The following FRMPD4 variants were observed in gnomAD, a reference collection of about 807,000 sequenced individuals.
FRMPD4 encodes the protein FERM and PDZ domain-containing protein 4.
A neutral mutation model predicts 94.1 loss-of-function variants in FRMPD4; 22 were observed. The ratio of observed to expected loss-of-function variants is 0.23; its 90% CI spans 0.17 to 0.33. The LOEUF (loss-of-function observed/expected upper bound fraction) is 0.33, where lower values mean the gene tolerates loss of function less well. Among genes scored for constraint, FRMPD4 ranks in the 10% least tolerant of loss-of-function variants. The pLI, the probability that FRMPD4 is intolerant of heterozygous loss-of-function variation, is 1.00. For missense variants in FRMPD4, 1,111 were observed against 1,339.9 expected (o/e 0.83, Z 2.67); for synonymous variants, 631 against 548.6 (o/e 1.15, Z -2.10).
intron 3 of FRMPD4, among the ~76,000 whole-genome samples, chrX:12,050,380 A>G (rs1364581725): frequency 8.9e-6 from 1 of 112,109 alleles, no homozygotes; most frequent in Non-Finnish European, 1.9e-5. Context: ...GTATAGTAGC[A>G]TGCTGTACAG....
intron 1 of FRMPD4, among the ~76,000 whole-genome samples, chrX:12,198,930 A>G (rs1007911312): frequency 7.1e-5 from 8 of 112,502 alleles, no homozygotes; most frequent in African/African-American, 2.6e-4. Flanking sequence ...GTAAGATACA[A>G]CATTTTAAAA....
chrX:12,174,348 T>A (rs755002801), intron 1 of FRMPD4, among the ~76,000 whole-genome samples: 1 of 111,982 alleles, frequency 8.9e-6, no homozygotes, highest in African/African-American at 3.2e-5. Flanking sequence ...TCAAAACAGG[T>A]GATAGGCCAG....
chrX:12,514,683 T>C (rs1321555727), intron 2 of FRMPD4, among the ~76,000 whole-genome samples: 1 of 111,822 alleles, frequency 8.9e-6, no homozygotes, highest in East Asian at 2.8e-4. Flanking sequence ...TCTTTTTTGT[T>C]GTATCTCTGC....
chrX:12,721,179 C>G lies in FRMPD4; in HGVS notation c.4610C>G (p.Thr1537Ser). 5.3e-6 allele frequency: 4 copies of G among 755,404 alleles called. No homozygotes were observed. Among genetic ancestry groups the G allele is most frequent in the Non-Finnish European group, 6.3e-6 (4 of 638,991 alleles). 62.3% of individuals were successfully genotyped at this position (755,404 alleles called of 1,213,427 possible). A position where few individuals can be genotyped will look rare whatever the true frequency, so the allele number is the denominator to read the frequency against. The change falls in exon 17 of 17, where the codon ACT (threonine) becomes AGT (serine). Residue 1537 changes from threonine to serine, a missense_variant. By Grantham distance (58) the Thr-to-Ser change is moderately conservative. Around this residue, in one of 8 missense-constraint regions of FRMPD4, gnomAD observed 551 missense variants for 591.6 expected, o/e 0.93. Coordinates refer to ENST00000675598, the MANE Select transcript of FRMPD4 (RefSeq NM_001368397.1). ...TCTTGCCTCTATAGACCACAGATGA[C>G]TCAAGCCATGCCAGAACCAAGCAGC... is the stretch of plus-strand genomic sequence containing the variant. ...QVSCLYRPQM[T>S]QAMPEPSSPC...
intron 2 of FRMPD4, among the ~76,000 whole-genome samples, chrX:12,540,076 G>C (rs1329255707): frequency 2.7e-5 from 3 of 112,011 alleles, no homozygotes; most frequent in Non-Finnish European, 5.6e-5. Flanking sequence ...CCCTACAAGA[G>C]CTCCTAAAGG....
At chrX:11,916,769 G>C (rs1325869015) in intron 3 of FRMPD4, among the ~76,000 whole-genome samples, 1 of 111,701 alleles carries the variant, frequency 9.0e-6, no homozygotes, top group Non-Finnish European at 1.9e-5. Context: ...ACTGGGCAGT[G>C]TCTATACCAT....
chrX:12,199,495 A>G, intron 1 of FRMPD4, among the ~76,000 whole-genome samples: 1 of 111,596 alleles, frequency 9.0e-6, no homozygotes, highest in East Asian at 2.8e-4. Context: ...GTTCATAGGA[A>G]TGTACCTGTG....
chrX:12,708,458 G>A (rs1472595190), intron 13 of FRMPD4, among the ~76,000 whole-genome samples: 2 of 87,769 alleles, frequency 2.3e-5, no homozygotes, highest in Admixed American at 1.3e-4. Flanking sequence ...AACAGAGCGA[G>A]ACTCCATCTC....
At chrX:12,209,521 TTATC>T (rs2056732121) in intron 1 of FRMPD4, among the ~76,000 whole-genome samples, 1 of 112,166 alleles carries the variant, frequency 8.9e-6, no homozygotes, top group Non-Finnish European at 1.9e-5. Context: ...TTACATAGAC[TTATC>T]TTTTTTCACT....
At chrX:11,995,948 A>G (rs2054493859) in intron 3 of FRMPD4, among the ~76,000 whole-genome samples, 1 of 111,939 alleles carries the variant, frequency 8.9e-6, no homozygotes, top group African/African-American at 3.2e-5. Flanking sequence ...CTTCAAGCAA[A>G]TTTCACATTT....
At chrX:12,539,916 G>A (rs2058387058) in intron 2 of FRMPD4, among the ~76,000 whole-genome samples, 1 of 112,259 alleles carries the variant, frequency 8.9e-6, no homozygotes, top group African/African-American at 3.2e-5. Flanking sequence ...TTACAGGCAT[G>A]AGCCACCGCG....
intron 1 of FRMPD4, among the ~76,000 whole-genome samples, chrX:12,309,175 A>G (rs1434165739): frequency 3.6e-5 from 4 of 111,904 alleles, no homozygotes; most frequent in African/African-American, 9.8e-5. Flanking sequence ...ATTTACCAAA[A>G]CAGGTGGCTG....
At chrX:12,255,603 TACA>T (rs779172200) in intron 1 of FRMPD4, among the ~76,000 whole-genome samples, 36 of 112,350 alleles carry the variant, frequency 3.2e-4, no homozygotes, top group Non-Finnish European at 6.4e-4. Context: ...ATTCAACAAA[TACA>T]ACATTATTCT....
At chrX:12,103,244 G>A (rs1455846845) in intron 3 of FRMPD4, among the ~76,000 whole-genome samples, 1 of 111,862 alleles carries the variant, frequency 8.9e-6, no homozygotes, top group Non-Finnish European at 1.9e-5. Context: ...AAAGCACATA[G>A]AAAAGTGCCT....
intron 1 of FRMPD4, among the ~76,000 whole-genome samples, chrX:12,317,585 C>CAAAAAAAAAA (rs376884335): frequency 4.7e-4 from 20 of 42,354 alleles, no homozygotes; most frequent in East Asian, 9.9e-4. Context: ...AACTAAATAG[C>CAAAAAAAAAA]AAAAAAAAAA....
At chrX:12,443,638 A>T (rs1432188331) in intron 1 of FRMPD4, among the ~76,000 whole-genome samples, 1 of 111,870 alleles carries the variant, frequency 8.9e-6, no homozygotes, top group Non-Finnish European at 1.9e-5. Flanking sequence ...GAAGACTAAA[A>T]TAGCCTAAGC....
At chrX:12,227,733 C>T (rs2056937411) in intron 1 of FRMPD4, among the ~76,000 whole-genome samples, 1 of 109,569 alleles carries the variant, frequency 9.1e-6, no homozygotes, top group East Asian at 2.9e-4. Flanking sequence ...CCCAGAGGGT[C>T]GAGGCTGCAG....
chrX:12,227,203 T>C (rs1349230634), intron 1 of FRMPD4, among the ~76,000 whole-genome samples: 1 of 111,078 alleles, frequency 9.0e-6, no homozygotes, highest in East Asian at 2.9e-4. Flanking sequence ...CTGGGTCTGG[T>C]GGTGATTCTG....
rs981433675 is a variant in FRMPD4, at chrX:12,327,711, C to A, written c.42-170969C>A. ...GTCTGGGTCAGCCAGGGAACTGGCT[C>A]TGTAATCTACCTCCTGAGATGAAAG... is the stretch of plus-strand genomic sequence containing the variant. On this transcript the variant is annotated intron_variant, in intron 1 of 16. Coordinates refer to ENST00000675598, the MANE Select transcript of FRMPD4 (RefSeq NM_001368397.1). Among the ~76,000 whole-genome samples the A allele has an allele frequency of 3.6e-5, 4 of 110,468 alleles. No homozygotes were observed. In the East Asian group the frequency reaches 1.1e-3, roughly 31 times the overall value.
Sources: allele counts gnomAD v4.1 joint callset (sites outside exome capture counted in the v4.1 genomes callset), GRCh38; gene constraint gnomAD v4.1.1; regional missense constraint gnomAD v4.1.1; transcripts MANE v1.5; gene names NCBI Gene and HGNC (gene_info 2026-07-23, HGNC 2026-07-21).